SLC25A48: variants seen among roughly 807,000 people sequenced by gnomAD.
SLC25A48 encodes solute carrier family 25 member 48, also known as CTC-321K16.1.
SLC25A48 carries 29 observed loss-of-function variants against 32.2 expected under a neutral mutation model. The ratio of observed to expected loss-of-function variants is 0.90; its 90% CI spans 0.67 to 1.23. The LOEUF is 1.23. Ranked by LOEUF, SLC25A48 falls within the 50% of genes most tolerant of loss-of-function variation. The pLI is 0.00. For missense variants in SLC25A48, 399 were observed against 422.7 expected, an observed-to-expected ratio of 0.94 and a Z score of 0.49; for synonymous variants, 164 against 172.3, an observed-to-expected ratio of 0.95 and a Z score of 0.38.
upstream of SLC25A48, among the ~76,000 whole-genome samples, chr5:135,833,236 A>T (rs1162611729): frequency 6.6e-6 from 1 of 152,252 alleles, no homozygotes; most frequent in African/African-American, 2.4e-5. Flanking sequence ...GCTCGTTAGT[A>T]GTTCAAGCAG....
intron 4 of SLC25A48, among the ~76,000 whole-genome samples, chr5:135,820,603 AAGAG>A (rs970656926): frequency 2.6e-5 from 4 of 152,188 alleles, no homozygotes; most frequent in Non-Finnish European, 5.9e-5. Flanking sequence ...TATTGGTACA[AAGAG>A]AGACAAAGAG....
rs1260524866 is a variant in SLC25A48, at chr5:135,774,290, C to CT, written c.-520-38232dup. Among the ~76,000 whole-genome samples the CT allele has an allele frequency of 2.6e-5, 4 of 151,880 alleles. No individual in the cohort carries two copies. The East Asian group carries it at 7.8e-4, about 29-fold the overall frequency. ...ATAACGCCAGAGGTGTACACCACCC[C>CT]TGTGATATTGTTCCTAATATCCAGG... On this transcript the variant is annotated intron_variant, in intron 3 of 10. Transcript: ENST00000646290.
At chr5:135,695,625 C>T (rs1320314374) in intron 3 of SLC25A48, among the ~76,000 whole-genome samples, 6 of 152,002 alleles carry the variant, frequency 3.9e-5, no homozygotes, top group Admixed American at 1.3e-4. Context: ...ACAGGGGTCT[C>T]TCTCTGGCCA....
intron 6 of SLC25A48, among the ~76,000 whole-genome samples, chr5:135,876,734 G>T (rs576136785): frequency 6.6e-6 from 1 of 152,178 alleles, no homozygotes; most frequent in African/African-American, 2.4e-5. Flanking sequence ...ATATGTGACT[G>T]TTTACTTATG....
At chr5:135,650,069 A>G (rs1008789060) in intron 3 of SLC25A48, 4 of 177,068 alleles carry the variant, frequency 2.3e-5, no homozygotes, top group Non-Finnish European at 4.8e-5. Context: ...GATCATTCAT[A>G]TTCTTCAAAA....
At chr5:135,614,157 T>A (rs1461558966) in intron 1 of SLC25A48, among the ~76,000 whole-genome samples, 2 of 152,308 alleles carry the variant, frequency 1.3e-5, no homozygotes, top group East Asian at 3.9e-4. Flanking sequence ...ATCTTTTACC[T>A]CTTTGGTTAA....
In SLC25A48 at chr5:135,603,181, G is replaced by A. The variant is rs568140749; in HGVS notation, c.-849+23584G>A. On this transcript the variant is annotated intron_variant, in intron 1 of 10. Coordinates refer to the SLC25A48 transcript ENST00000646290. Reference sequence around the variant, plus strand: ...CTGGCTTGAGACTAATGTTCCAGAAGTTTCCCTTTTTGCCAGTCTCAGTCA... The same window carrying A: ...CTGGCTTGAGACTAATGTTCCAGAAATTTCCCTTTTTGCCAGTCTCAGTCA... Among the ~76,000 whole-genome samples, 7 of 152,278 alleles carry A rather than the reference G, an allele frequency of 4.6e-5. No homozygotes were observed. In the East Asian group the frequency reaches 1.4e-3, roughly 29 times the overall value.
chr5:135,718,322 G>T (rs1580810884), intron 3 of SLC25A48, among the ~76,000 whole-genome samples: 1 of 151,652 alleles, frequency 6.6e-6, no homozygotes, highest in African/African-American at 2.4e-5. Flanking sequence ...AGGCTCACAT[G>T]ACAAAGCCTT....
intron 3 of SLC25A48, among the ~76,000 whole-genome samples, chr5:135,669,935 C>T (rs1344942960): frequency 6.6e-6 from 1 of 152,176 alleles, no homozygotes; most frequent in African/African-American, 2.4e-5. Flanking sequence ...TTAGAGGTCT[C>T]TGTTCTCCAT....
intron 3 of SLC25A48, among the ~76,000 whole-genome samples, chr5:135,761,601 A>G (rs1415484925): frequency 6.6e-6 from 1 of 152,190 alleles, no homozygotes; most frequent in Non-Finnish European, 1.5e-5. Flanking sequence ...TAAAAAAATG[A>G]TCTACTCCAA....
chr5:135,750,109 A>C (rs1329632971), intron 3 of SLC25A48, among the ~76,000 whole-genome samples: 2 of 152,228 alleles, frequency 1.3e-5, no homozygotes, highest in Non-Finnish European at 2.9e-5. Context: ...ATAACAAATA[A>C]ATGTCTGCAA....
At chr5:135,593,412 A>G (rs1318609681) in intron 1 of SLC25A48, among the ~76,000 whole-genome samples, 6 of 152,234 alleles carry the variant, frequency 3.9e-5, no homozygotes, top group African/African-American at 1.2e-4. Context: ...CCTCAGGTCA[A>G]CACTCAATGG....
intron 4 of SLC25A48, among the ~76,000 whole-genome samples, chr5:135,855,098 T>C (rs1224940352): frequency 6.6e-6 from 1 of 152,180 alleles, no homozygotes; most frequent in Non-Finnish European, 1.5e-5. Context: ...CCCCAAACAA[T>C]GACATTAGTA....
intron 7 of SLC25A48, among the ~76,000 whole-genome samples, chr5:135,886,634 T>TATATATATATATAA (rs1554088453): frequency 3.4e-4 from 10 of 29,150 alleles, no homozygotes; most frequent in African/African-American, 6.1e-4. Flanking sequence ...TATATATATA[T>TATATATATATATAA]ATAAAATATA....
At chr5:135,767,677 T>C (rs1040573506) in intron 3 of SLC25A48, among the ~76,000 whole-genome samples, 4 of 151,766 alleles carry the variant, frequency 2.6e-5, no homozygotes, top group African/African-American at 9.7e-5. Context: ...ATGATATTAC[T>C]CCTATTATTG....
chr5:135,622,600 T>C (rs1752349832), intron 1 of SLC25A48, among the ~76,000 whole-genome samples: 1 of 152,154 alleles, frequency 6.6e-6, no homozygotes, highest in African/African-American at 2.4e-5. Context: ...ATTCATTTTT[T>C]TAATTAAAAA....
intron 3 of SLC25A48, among the ~76,000 whole-genome samples, chr5:135,639,910 A>G (rs1752793411): frequency 6.6e-6 from 1 of 152,248 alleles, no homozygotes; most frequent in Non-Finnish European, 1.5e-5. Flanking sequence ...AAATTACTAG[A>G]CATACTAAGA....
At chr5:135,818,845 C>T (rs748762694) in intron 4 of SLC25A48, among the ~76,000 whole-genome samples, 3 of 150,512 alleles carry the variant, frequency 2.0e-5, no homozygotes, top group Non-Finnish European at 3.0e-5. Context: ...ACATTTGGCA[C>T]GAATAAAAAG....
chr5:135,884,249 C>T lies in SLC25A48; in HGVS notation c.*8-3783C>T, dbSNP rs562538591. ...CTGAAAAATCTCTGTCTTAATAGACCGAAGACCAAAGCAATTCTATGGTGC... is the reference window on the plus strand; with the variant it reads ...CTGAAAAATCTCTGTCTTAATAGACTGAAGACCAAAGCAATTCTATGGTGC... On this transcript the variant is annotated intron_variant, in intron 7 of 7. Coordinates refer to ENST00000681962, the MANE Select transcript of SLC25A48 (RefSeq NM_001349336.2). Among the ~76,000 whole-genome samples the T allele has an allele frequency of 4.6e-5, 7 of 152,246 alleles. No individual in the cohort carries two copies. The South Asian group carries it at 1.0e-3, about 23-fold the overall frequency.
Sources: allele counts gnomAD v4.1 joint callset (sites outside exome capture counted in the v4.1 genomes callset), GRCh38; gene constraint gnomAD v4.1.1; transcripts MANE v1.5; gene names NCBI Gene and HGNC (gene_info 2026-07-23, HGNC 2026-07-21).